The following ADAMTS14 variants were observed in gnomAD, a reference collection of about 807,000 sequenced individuals.
The protein encoded by ADAMTS14 is A disintegrin and metalloproteinase with thrombospondin motifs 14.
Under a neutral mutation model 128.6 loss-of-function variants are expected in ADAMTS14, and 100 were observed. The observed-to-expected ratio is 0.78, with a 90% CI of 0.66 to 0.92. The LOEUF (loss-of-function observed/expected upper bound fraction) is 0.92. Ranked by LOEUF, ADAMTS14 falls within the 40% of genes least tolerant of loss-of-function variation. ADAMTS14 has a pLI of 0.00. For missense variants in ADAMTS14, 1,562 were observed against 1,658.6 expected (o/e 0.94, Z 1.01); for synonymous variants, 665 against 653.8 (o/e 1.02, Z -0.26).
intron 4 of ADAMTS14, among the ~76,000 whole-genome samples, chr10:70,723,327 C>T (rs542003744): frequency 5.9e-5 from 9 of 152,184 alleles, no homozygotes; most frequent in South Asian, 4.1e-4. Context: ...GAATGTGGCA[C>T]CCTGGATGGG....
intron 2 of ADAMTS14, among the ~76,000 whole-genome samples, chr10:70,695,335 T>C (rs1420971157): frequency 6.6e-6 from 1 of 152,168 alleles, no homozygotes; most frequent in Non-Finnish European, 1.5e-5. Context: ...GCAAGCTGTA[T>C]GTGATTCATA....
chr10:70,734,029 G>A lies in ADAMTS14; in HGVS notation c.1352+1G>A, dbSNP rs530033822. 5.0e-6 allele frequency: 8 copies of A among 1,611,898 alleles called. No individual in the cohort carries two copies. The highest frequency in any genetic ancestry group is 2.7e-5 in the African/African-American group (2 of 75,034). ...AGCTGGAGCTCAGCCGCTACCTCCCGTAGGTCATTCCTGCCCTCAGAGCTG... is the reference window on the plus strand; with the variant it reads ...AGCTGGAGCTCAGCCGCTACCTCCCATAGGTCATTCCTGCCCTCAGAGCTG... On this transcript the variant is annotated splice_donor_variant, in intron 8 of 21. Coordinates refer to ENST00000373207, the MANE Select transcript of ADAMTS14 (RefSeq NM_080722.4). LOFTEE classifies it high-confidence loss of function.
intron 2 of ADAMTS14, among the ~76,000 whole-genome samples, chr10:70,683,460 C>T (rs1465441410): frequency 6.6e-6 from 1 of 152,190 alleles, no homozygotes; most frequent in Non-Finnish European, 1.5e-5. Flanking sequence ...GAGGAAGTCA[C>T]TGCTTCGTGA....
In ADAMTS14 at chr10:70,762,135, G is replaced by A. The variant is rs1220004099; in HGVS notation, c.*1282G>A. ...GGACACCTCCGGGGTCTTGGAGGAT[G>A]TCTCCTAAACTCCTGCCAGGTGATA... On this transcript the variant is annotated 3_prime_UTR_variant, in exon 22 of 22. Transcript: ENST00000373207. 6.9e-6 allele frequency: 1 copy of A among 145,644 alleles called. No individual in the cohort carries two copies. Among genetic ancestry groups the A allele is most frequent in the East Asian group, 2.1e-4 (1 of 4,862 alleles). 9.0% of individuals were successfully genotyped at this position (145,644 alleles called of 1,614,324 possible).
intron 4 of ADAMTS14, among the ~76,000 whole-genome samples, chr10:70,709,744 C>G (rs1840783593): frequency 6.6e-6 from 1 of 152,168 alleles, no homozygotes; most frequent in Non-Finnish European, 1.5e-5. Context: ...TCGTGATCCG[C>G]CCGCCTCAGC....
chr10:70,734,168 C>T, intron 8 of ADAMTS14, 140 bp downstream of exon 8: 1 of 1,169,706 alleles, frequency 8.5e-7, no homozygotes, highest in Non-Finnish European at 1.2e-6. Flanking sequence ...CCCGCCAAAC[C>T]TGGCCTAAAA....
intron 4 of ADAMTS14, among the ~76,000 whole-genome samples, chr10:70,716,634 A>T (rs1182092631): frequency 2.0e-5 from 3 of 152,184 alleles, no homozygotes; most frequent in Non-Finnish European, 4.4e-5. Flanking sequence ...GGGGCCAGTA[A>T]TAACAGCTTG....
chr10:70,695,892 G>A (rs889035746), intron 2 of ADAMTS14, among the ~76,000 whole-genome samples: 5 of 152,260 alleles, frequency 3.3e-5, no homozygotes, highest in African/African-American at 4.8e-5. Flanking sequence ...GATGGGAGGA[G>A]CTGTGTGAGA....
chr10:70,699,792 G>T (rs925084834), intron 2 of ADAMTS14, among the ~76,000 whole-genome samples: 9 of 152,218 alleles, frequency 5.9e-5, no homozygotes, highest in African/African-American at 2.2e-4. Context: ...TTGACCAGGT[G>T]CCTGGTGTGT....
intron 9 of ADAMTS14, among the ~76,000 whole-genome samples, chr10:70,735,521 T>G (rs1304785477): frequency 2.0e-5 from 3 of 152,132 alleles, no homozygotes; most frequent in Non-Finnish European, 2.9e-5. Flanking sequence ...CTGGGAAAGA[T>G]GGGAACAGCA....
intron 2 of ADAMTS14, among the ~76,000 whole-genome samples, chr10:70,698,864 C>T (rs773187883): frequency 3.3e-5 from 5 of 152,174 alleles, no homozygotes; most frequent in South Asian, 4.2e-4. Context: ...CAGGGTCCTG[C>T]GGGTTCCCAT....
chr10:70,716,896 T>A (rs944157463), intron 4 of ADAMTS14, among the ~76,000 whole-genome samples: 4 of 152,074 alleles, frequency 2.6e-5, no homozygotes, highest in Admixed American at 1.3e-4. Context: ...CTCCTATATG[T>A]CTTTTGCATT....
chr10:70,672,765 A>C lies in ADAMTS14; in HGVS notation c.-38A>C, dbSNP rs12762616. On this transcript the variant is annotated 5_prime_UTR_variant, in exon 1 of 22. Transcript: ENST00000373207. ...GCCGCCCTCAGCCTGGGACTTGGGG[A>C]TCGGGCGCTTGCCCAGCCCGCGTCC... 0.5 allele frequency: 735,540 copies of C among 1,485,006 alleles called. 189,324 individuals carry two copies. Among genetic ancestry groups the C allele is most frequent in the Non-Finnish European group, 0.53 (598,125 of 1,122,482 alleles). 92.0% of individuals were successfully genotyped at this position (1,485,006 alleles called of 1,614,324 possible).
intron 2 of ADAMTS14, among the ~76,000 whole-genome samples, chr10:70,701,738 T>C (rs1840498392): frequency 6.6e-6 from 1 of 152,240 alleles, no homozygotes; most frequent in East Asian, 1.9e-4. Flanking sequence ...TTATCGTGAA[T>C]GAGCATTAGC....
At chr10:70,747,737 T>A (rs1842223352) in intron 15 of ADAMTS14, among the ~76,000 whole-genome samples, 1 of 151,910 alleles carries the variant, frequency 6.6e-6, no homozygotes, top group Non-Finnish European at 1.5e-5. Flanking sequence ...AAGGTTAGAG[T>A]TTTCCGGGGA....
chr10:70,744,292 G>A lies in ADAMTS14; in HGVS notation c.2182+103G>A. The A allele has an allele frequency of 3.7e-6, 5 of 1,358,652 alleles. No homozygotes were observed. In the South Asian group the frequency reaches 9.0e-5, roughly 25 times the overall value. The allele number at this position is 1,358,652 out of a possible 1,614,324, so 84.2% of individuals were successfully genotyped here. ...GAACTGTGCCACAGTCTGGGGTGGG[G>A]AGAAGGGGCCCTGGGGCCCATCTCC... On this transcript the variant is annotated intron_variant, in intron 14 of 21. Transcript: ENST00000373207.
intron 4 of ADAMTS14, among the ~76,000 whole-genome samples, chr10:70,718,502 C>T (rs1015750052): frequency 6.6e-6 from 1 of 152,026 alleles, no homozygotes; most frequent in African/African-American, 2.4e-5. Flanking sequence ...ATTCTCCTGC[C>T]TCAGACTCCT....
At chr10:70,729,680 G>A (rs1589308112) in intron 5 of ADAMTS14, among the ~76,000 whole-genome samples, 1 of 152,274 alleles carries the variant, frequency 6.6e-6, no homozygotes, top group Middle Eastern at 3.4e-3. Context: ...TGTTATGGTT[G>A]AGCCCTGGTG....
chr10:70,760,031 C>T (rs1413340337), intron 21 of ADAMTS14, among the ~76,000 whole-genome samples: 1 of 152,220 alleles, frequency 6.6e-6, no homozygotes, highest in Non-Finnish European at 1.5e-5. Flanking sequence ...CGCTGAGCCC[C>T]AGCCTGAGTT....
Sources: gnomAD v4.1 joint callset for allele counts (sites outside exome capture counted in the v4.1 genomes callset) on GRCh38, gnomAD v4.1.1 for gene constraint, MANE v1.5 for transcripts, NCBI Gene and HGNC (gene_info 2026-07-23, HGNC 2026-07-21) for gene names.